ZZEF1: variants seen among roughly 807,000 people sequenced by gnomAD.
The protein encoded by ZZEF1 is zinc finger ZZ-type and EF-hand domain containing 1, also known as zinc finger ZZ-type and EF-hand domain-containing protein 1.
In ZZEF1, 157 loss-of-function variants were observed where a neutral mutation model predicts 342.8. That is an observed-to-expected ratio of 0.46 (90% confidence interval 0.40 to 0.52). The LOEUF (loss-of-function observed/expected upper bound fraction) is 0.52, where lower values mean the gene tolerates loss of function less well. Ranked by LOEUF, ZZEF1 falls within the 20% of genes least tolerant of loss-of-function variation. The pLI, the probability that ZZEF1 is intolerant of heterozygous loss-of-function variation, is 0.00. For missense variants in ZZEF1, 3,480 were observed against 3,725.6 expected (o/e 0.93, Z 1.72); for synonymous variants, 1,505 against 1,429.1 (o/e 1.05, Z -1.20).
intron 7 of ZZEF1, 48 bp downstream of exon 7, chr17:4,105,645 G>A (rs200471611): frequency 1.9e-5 from 25 of 1,328,388 alleles, no homozygotes; most frequent in Non-Finnish European, 2.5e-5. Flanking sequence ...ACAAGCATAC[G>A]TGCACTCCAT....
In ZZEF1 at chr17:4,077,901, C is replaced by T. The variant is rs201234808; in HGVS notation, c.2971G>A (p.Val991Met). The T allele has an allele frequency of 3.8e-5, 61 of 1,613,940 alleles. No homozygotes were observed. The highest frequency in any genetic ancestry group is 2.2e-4 in the East Asian group (10 of 44,900). ...STDSGAKDLAVDLIEKYVGQF... is the reference protein window; with the variant it reads ...STDSGAKDLAMDLIEKYVGQF... Reference sequence around the variant, plus strand: ...AACTCACATTTTTCAATAAGGTCCACGGCAAGATCTTTGGCTCCAGAGTCC... The same window carrying T: ...AACTCACATTTTTCAATAAGGTCCATGGCAAGATCTTTGGCTCCAGAGTCC... Residue 991 changes from valine (V) to methionine (M), a missense_variant, in exon 19 of 55, where the codon GTG (valine) becomes ATG (methionine). Transcript: ENST00000381638.
chr17:4,043,699 T>TGGGG (rs1303749826), intron 38 of ZZEF1, among the ~76,000 whole-genome samples: 2 of 152,222 alleles, frequency 1.3e-5, no homozygotes, highest in African/African-American at 4.8e-5. Flanking sequence ...TTCTCTACTT[T>TGGGG]AGGGCCTTTG....
chr17:4,063,267 G>C (rs768813127), intron 29 of ZZEF1, among the ~76,000 whole-genome samples: 3 of 152,188 alleles, frequency 2.0e-5, no homozygotes, highest in African/African-American at 4.8e-5. Context: ...CAGAGATGTA[G>C]GCCTATGAAC....
intron 27 of ZZEF1, 145 bp downstream of exon 27, chr17:4,067,018 T>TCTATTTTATATCTA: frequency 1.5e-6 from 1 of 653,262 alleles, no homozygotes; most frequent in Non-Finnish European, 2.5e-6. Flanking sequence ...TTCTAAATTG[T>TCTATTTTATATCTA]TTTATATCTA....
At chr17:4,029,085 G>C (rs1274571028) in intron 42 of ZZEF1, among the ~76,000 whole-genome samples, 1 of 152,180 alleles carries the variant, frequency 6.6e-6, no homozygotes, top group Non-Finnish European at 1.5e-5. Context: ...GGGCACAGAA[G>C]ACTTGAATAA....
At chr17:4,110,074 T>A (rs1490531322) in intron 5 of ZZEF1, among the ~76,000 whole-genome samples, 1 of 152,164 alleles carries the variant, frequency 6.6e-6, no homozygotes, top group Non-Finnish European at 1.5e-5. Context: ...ATAAGAATAA[T>A]ATGTAAAATT....
At position 4,096,618 on chromosome 17, in the gene ZZEF1, T is replaced by A; in HGVS notation, c.1755A>T (p.Ile585=). The part of the protein sequence containing the change: ...GTESAFQVTQ[I]RIMVRRGGIG... The stretch of plus-strand genomic sequence containing the variant: ...GTAGCACGAAAATTACCATAATTCT[T>A]ATCTGTGTAACTTGGAAGGCAGATT... The change falls in exon 10 of 55, where the codon ATA becomes ATT. Residue 585 remains isoleucine (I), a synonymous_variant. Transcript: ENST00000381638. 1 of 1,613,910 alleles carries A rather than the reference T, an allele frequency of 6.2e-7. No individual in the cohort carries two copies.
intron 39 of ZZEF1, among the ~76,000 whole-genome samples, chr17:4,036,179 G>C (rs2056658660): frequency 6.6e-6 from 1 of 151,828 alleles, no homozygotes; most frequent in South Asian, 2.1e-4. Flanking sequence ...ATTATACGAA[G>C]GATGATGGGA....
intron 16 of ZZEF1, among the ~76,000 whole-genome samples, chr17:4,085,176 A>T (rs1294063583): frequency 6.6e-6 from 1 of 152,210 alleles, no homozygotes. Context: ...ATATTTATGA[A>T]TCAAATGTCA....
chr17:4,092,031 G>A (rs1271260519), intron 11 of ZZEF1, among the ~76,000 whole-genome samples: 6 of 148,868 alleles, frequency 4.0e-5, no homozygotes, highest in African/African-American at 1.2e-4. Context: ...AGCCAAGATC[G>A]TGCCACTGCA....
At chr17:4,038,542 C>T (rs77185342) in intron 39 of ZZEF1, among the ~76,000 whole-genome samples, 2,512 of 152,288 alleles carry the variant, frequency 0.016, 83 homozygotes, top group African/African-American at 0.057. Context: ...CAGCGGCTCA[C>T]GCCTGTCATT....
In ZZEF1 at chr17:4,085,685, A is replaced by G; in HGVS notation, c.2631T>C (p.His877=). ...TAATAATTACCATCATGGTGAAGAG[A>G]TGGTTCCGTCGGGTCTGTCGATTAG... ...FFPNRQTRRN[H]LFTMMNVTEQ... The change falls in exon 16 of 55, where the codon CAT becomes CAC. Residue 877 remains histidine, a synonymous_variant. Transcript: ENST00000381638. 1 of 1,614,132 alleles carries G rather than the reference A, an allele frequency of 6.2e-7. No homozygotes were observed. The highest frequency in any genetic ancestry group is 8.5e-7 in the Non-Finnish European group (1 of 1,180,010).
Position 4,014,200 on chromosome 17 carries a change from A to T in ZZEF1, c.8315-12T>A, listed in dbSNP as rs768066274. On this transcript the variant is annotated splice_polypyrimidine_tract_variant and intron_variant, in intron 50 of 54. Transcript: ENST00000381638. The surrounding 1 kb of genome is among the most constrained non-coding windows in gnomAD (Gnocchi z 4.4). ...ATACAGAGTGTCTCCTAGGCACACA[A>T]GGATCAGAGGCCCATCAGGAACTGA... 1 of 1,614,010 alleles carries T rather than the reference A, an allele frequency of 6.2e-7. No individual in the cohort carries two copies. The highest frequency in any genetic ancestry group is 8.5e-7 in the Non-Finnish European group (1 of 1,179,870).
rs1391923130 is a variant in ZZEF1 at position 4,008,191 on chromosome 17, C to A, written c.8805+692G>T. 1 of 152,282 alleles carries A rather than the reference C, an allele frequency of 6.6e-6. No homozygotes were observed. Among genetic ancestry groups the A allele is most frequent in the African/African-American group, 2.4e-5 (1 of 41,446 alleles). 9.4% of individuals were successfully genotyped at this position (152,282 alleles called of 1,614,324 possible). On this transcript the variant is annotated intron_variant, in intron 54 of 54. Coordinates refer to ENST00000381638, the MANE Select transcript of ZZEF1 (RefSeq NM_015113.4). This position sits in a 1 kb window ranked among gnomAD's most constrained non-coding sequence, Gnocchi z 4.2. ...TCCAGCTGTCTTCTACGAGGCCAGA[C>A]ATGAGAGGGGTCTGCAAGGATGGAA...
Position 4,052,054 on chromosome 17 carries a change from G to C in ZZEF1, c.5517C>G (p.Ile1839Met), listed in dbSNP as rs748721381. 6.2e-7 allele frequency: 1 copy of C among 1,614,160 alleles called. No individual in the cohort carries two copies. The highest frequency in any genetic ancestry group is 8.5e-7 in the Non-Finnish European group (1 of 1,180,026). ...EFTCDHCQGL[I>M]IGRRMNCNVC... ...CATTGCAGTTCATCCTCCGGCCTAT[G>C]ATCAAACCCTGGCAGTGGTCACAGG... The change falls in exon 35 of 55, where the codon ATC (isoleucine) becomes ATG (methionine). Residue 1839 changes from isoleucine (I) to methionine (M), a missense_variant. Coordinates refer to ENST00000381638, the MANE Select transcript of ZZEF1 (RefSeq NM_015113.4).
Position 4,078,008 on chromosome 17 carries a change from T to TGTGG in ZZEF1, c.2863_2864insCCAC (p.Glu955AlafsTer42), listed in dbSNP as rs768909742. 1 of 1,613,798 alleles carries TGTGG rather than the reference T, an allele frequency of 6.2e-7. No individual in the cohort carries two copies. Among genetic ancestry groups the TGTGG allele is most frequent in the Non-Finnish European group, 8.5e-7 (1 of 1,179,978 alleles). ...CAGGGAGAAGAGCACAGAGCCCACC[T>TGTGG]CCCCTGGGGCCCCACTGAGCATTAA... On this transcript the variant is annotated frameshift_variant, in exon 19 of 55. Coordinates refer to ENST00000381638, the MANE Select transcript of ZZEF1 (RefSeq NM_015113.4). LOFTEE classifies it high-confidence loss of function.
intron 22 of ZZEF1, 26 bp downstream of exon 22, chr17:4,075,237 G>T (rs34356467): frequency 0.18 from 291,125 of 1,613,232 alleles, 26,922 homozygotes; most frequent in East Asian, 0.22. Flanking sequence ...TTAGCGCTTG[G>T]GGGTGAAAGA....
intron 5 of ZZEF1, among the ~76,000 whole-genome samples, chr17:4,111,760 TTATATA>T (rs3050967): frequency 1.4e-5 from 2 of 142,736 alleles, no homozygotes; most frequent in South Asian, 2.2e-4. Context: ...ATATATATGT[TTATATA>T]TATATATATA....
At chr17:4,019,801 C>G (rs1038952933) in intron 45 of ZZEF1, 32 bp from the exon 46 acceptor site, 1 of 1,525,522 alleles carries the variant, frequency 6.6e-7, no homozygotes, top group South Asian at 1.2e-5. Flanking sequence ...AGACAAGAAC[C>G]ATTAACAGTG....
Sources: gnomAD v4.1 joint callset for allele counts (sites outside exome capture counted in the v4.1 genomes callset) on GRCh38, gnomAD v4.1.1 for gene constraint, Gnocchi (gnomAD v3.1) non-coding constraint, MANE v1.5 for transcripts, NCBI Gene and HGNC (gene_info 2026-07-23, HGNC 2026-07-21) for gene names.